The following NDUFB2 variants were observed in gnomAD, a reference collection of about 807,000 sequenced individuals.
NDUFB2 encodes NADH dehydrogenase [ubiquinone] 1 beta subcomplex subunit 2, mitochondrial.
A neutral mutation model predicts 13.4 loss-of-function variants in NDUFB2; 13 were observed. That is an observed-to-expected ratio of 0.97 (90% CI 0.63 to 1.54). NDUFB2 has a LOEUF of 1.54. Ranked by LOEUF, NDUFB2 falls within the 40% of genes most tolerant of loss-of-function variation. NDUFB2 has a pLI of 0.00. For synonymous variants in NDUFB2, 47 were observed against 50.6 expected, an observed-to-expected ratio of 0.93 and a Z score of 0.30; for missense variants, 150 against 139.7, an observed-to-expected ratio of 1.07 and a Z score of -0.37.
At chr7:140,698,194 G>T in intron 1 of NDUFB2, 1 of 1,352,096 alleles carries the variant, frequency 7.4e-7, no homozygotes, top group Non-Finnish European at 9.8e-7. Flanking sequence ...CTTGGGCAAA[G>T]ACAGTGATGG....
At chr7:140,698,027 G>T in intron 1 of NDUFB2, 1 of 1,291,206 alleles carries the variant, frequency 7.7e-7, no homozygotes, top group Non-Finnish European at 1.0e-6. Flanking sequence ...AATTGCTGGT[G>T]CCTGCTAAGG....
chr7:140,706,479 C>T (rs1161919336), intron 3 of NDUFB2, 84 bp from the exon 4 acceptor site: 28 of 151,972 alleles, frequency 1.8e-4, no homozygotes, highest in Admixed American at 1.8e-3. Flanking sequence ...TCAATAAATA[C>T]TTGAATAATT....
At chr7:140,701,991 C>G (rs1794904760) in intron 1 of NDUFB2, 1 of 696,990 alleles carries the variant, frequency 1.4e-6, no homozygotes. Flanking sequence ...GAACCACTGC[C>G]CTGTTACTGT....
chr7:140,702,572 C>G (rs1794911454), intron 1 of NDUFB2: 1 of 343,750 alleles, frequency 2.9e-6, no homozygotes, highest in African/African-American at 2.1e-5. Context: ...TAACTAAAAC[C>G]TTTGGGGCTA....
intron 1 of NDUFB2, among the ~76,000 whole-genome samples, chr7:140,698,698 G>A (rs1585862611): frequency 6.6e-6 from 1 of 152,156 alleles, no homozygotes; most frequent in Non-Finnish European, 1.5e-5. Flanking sequence ...AGGAGGCCAG[G>A]CTGGAGTGGA....
chr7:140,701,642 C>G (rs948514349), intron 1 of NDUFB2, among the ~76,000 whole-genome samples: 1 of 151,332 alleles, frequency 6.6e-6, no homozygotes, highest in African/African-American at 2.4e-5. Context: ...TTTAAAAAAA[C>G]AAACAAAACA....
At chr7:140,704,831 T>G in intron 2 of NDUFB2, 29 bp from the exon 3 acceptor site, 6 of 1,497,566 alleles carry the variant, frequency 4.0e-6, no homozygotes, top group Non-Finnish European at 5.4e-6. Context: ...AATTCTTGAC[T>G]TTTCTTTCTT....
intron 2 of NDUFB2, among the ~76,000 whole-genome samples, chr7:140,703,321 C>T (rs1480169297): frequency 6.9e-6 from 1 of 145,244 alleles, no homozygotes; most frequent in Non-Finnish European, 1.5e-5. Flanking sequence ...TGTCACCAGG[C>T]AGGAGTGCAG....
At chr7:140,698,122 A>G (rs1197637040) in intron 1 of NDUFB2, 1 of 1,351,644 alleles carries the variant, frequency 7.4e-7, no homozygotes, top group Non-Finnish European at 9.8e-7. Flanking sequence ...GAAGTCCCAC[A>G]TGGATGAAGA....
At chr7:140,702,684 T>C (rs925125112) in intron 1 of NDUFB2, 182 bp from the exon 2 acceptor site, 5 of 683,512 alleles carry the variant, frequency 7.3e-6, no homozygotes, top group African/African-American at 7.1e-5. Flanking sequence ...CAGTTTTTGC[T>C]GCTACACATG....
chr7:140,701,932 G>T (rs921796786), intron 1 of NDUFB2: 3 of 618,468 alleles, frequency 4.9e-6, no homozygotes, highest in Non-Finnish European at 8.8e-6. Flanking sequence ...TGAGACTCTC[G>T]CAAACAAACA....
chr7:140,698,269 G>A (rs909544609), intron 1 of NDUFB2: 23 of 1,351,152 alleles, frequency 1.7e-5, no homozygotes, highest in Non-Finnish European at 2.3e-5. Context: ...CTTCCCTGAG[G>A]TGCTGGCTTG....
chr7:140,702,082 G>T, intron 1 of NDUFB2: 1 of 700,396 alleles, frequency 1.4e-6, no homozygotes, highest in South Asian at 1.5e-5. Flanking sequence ...ACATAAAAGA[G>T]AATATGGTTT....
At chr7:140,697,423 T>C (rs1794829100) in intron 1 of NDUFB2, 1 of 702,510 alleles carries the variant, frequency 1.4e-6, no homozygotes, top group Non-Finnish European at 2.6e-6. Context: ...AAGCCAACGC[T>C]GGGGCAGCCG....
chr7:140,698,076 A>G, intron 1 of NDUFB2: 1 of 1,332,150 alleles, frequency 7.5e-7, no homozygotes. Context: ...GTTATTAAGG[A>G]ACTGAGGCCC....
chr7:140,705,098 C>A, intron 3 of NDUFB2, 135 bp downstream of exon 3: 6 of 423,052 alleles, frequency 1.4e-5, no homozygotes, highest in Non-Finnish European at 2.0e-5. Flanking sequence ...TGTCCTGTAT[C>A]TGCTTTTTTT....
Position 140,705,717 on chromosome 7 carries a change from C to T in NDUFB2, c.*29+754C>T, listed in dbSNP as rs559000797. 1.1e-4 allele frequency: 17 copies of T among 152,328 alleles called. No individual in the cohort carries two copies. The South Asian group carries it at 1.7e-3, about 15-fold the overall frequency. 9.4% of individuals were successfully genotyped at this position (152,328 alleles called of 1,614,324 possible). On this transcript the variant is annotated intron_variant, in intron 3 of 3. Coordinates refer to ENST00000247866, the MANE Select transcript of NDUFB2 (RefSeq NM_004546.3). Reference sequence around the variant, plus strand: ...ATATTAAGACCAATTCTGTGCCAAGCACAGGCCTACAGTGGTGAACAGGAC... The same window carrying T: ...ATATTAAGACCAATTCTGTGCCAAGTACAGGCCTACAGTGGTGAACAGGAC...
intron 2 of NDUFB2, among the ~76,000 whole-genome samples, chr7:140,704,055 AGTTTTAGT>A (rs1166704644): frequency 6.6e-5 from 10 of 152,110 alleles, no homozygotes; most frequent in African/African-American, 2.4e-4. Context: ...GCGCCCGGCC[AGTTTTAGT>A]GATTTTCTAA....
Position 140,704,886 on chromosome 7 carries a change from C to G in NDUFB2, c.270C>G (p.Ser90=), listed in dbSNP as rs766823823. Residue 90 remains serine (S), a synonymous_variant, in exon 3 of 4, where the codon TCC becomes TCG. Transcript: ENST00000247866. ...GTCACTTTCCGTATCCTGATCCTTC[C>G]CAGTGGACAGATGAAGAATTAGGTA... ...VLGHFPYPDP[S]QWTDEELGIP... 6.2e-7 allele frequency: 1 copy of G among 1,602,750 alleles called. No homozygotes were observed. The highest frequency in any genetic ancestry group is 1.1e-5 in the South Asian group (1 of 88,662).
Sources: gnomAD v4.1 joint callset for allele counts (sites outside exome capture counted in the v4.1 genomes callset) on GRCh38, gnomAD v4.1.1 for gene constraint, MANE v1.5 for transcripts, NCBI Gene and HGNC (gene_info 2026-07-23, HGNC 2026-07-21) for gene names.